Variants in CA11 observed in about 807,000 individuals in gnomAD.
The protein encoded by CA11 is carbonic anhydrase 11 (inactive).
CA11 carries 20 observed loss-of-function variants against 39.3 expected under a neutral mutation model. The ratio of observed to expected loss-of-function variants is 0.51; its 90% CI spans 0.36 to 0.74. CA11 has a LOEUF of 0.74. Among genes scored for constraint, CA11 ranks in the 30% least tolerant of loss-of-function variants. CA11 has a pLI of 0.00. For missense variants in CA11, 336 were observed against 424.6 expected, an observed-to-expected ratio of 0.79 and a Z score of 1.83; for synonymous variants, 166 against 172.5, an observed-to-expected ratio of 0.96 and a Z score of 0.29.
chr19:48,644,357 C>T, intron 3 of CA11, 70 bp downstream of exon 3: 3 of 1,422,058 alleles, frequency 2.1e-6, no homozygotes, highest in Non-Finnish European at 2.8e-6. Flanking sequence ...TACCTCAGCA[C>T]CCCATTCCCC....
Position 48,639,893 on chromosome 19 carries a change from G to C in CA11, c.472-10C>G. ...AGTGAATGAGCTGCACCTGGGGGTA[G>C]CACAGAGCATGGGGTCCCCCAGCAG... On this transcript the variant is annotated splice_polypyrimidine_tract_variant and intron_variant, in intron 4 of 8. Coordinates refer to ENST00000084798, the MANE Select transcript of CA11 (RefSeq NM_001217.5). The C allele has an allele frequency of 6.2e-7, 1 of 1,611,680 alleles. No individual in the cohort carries two copies. The highest frequency in any genetic ancestry group is 8.5e-7 in the Non-Finnish European group (1 of 1,177,900).
At chr19:48,639,974 T>C in intron 4 of CA11, 91 bp from the exon 5 acceptor site, 1 of 1,505,456 alleles carries the variant, frequency 6.6e-7, no homozygotes, top group Non-Finnish European at 9.2e-7. Flanking sequence ...TGAGGATTAG[T>C]GCTTAGGGTG....
At chr19:48,645,371 G>C in intron 2 of CA11, 32 bp downstream of exon 2, 12 of 1,551,150 alleles carry the variant, frequency 7.7e-6, no homozygotes, top group Non-Finnish European at 1.0e-5. Context: ...CGCCGGGAGG[G>C]CCGGACTCCT....
At chr19:48,645,367 G>A (rs1601193085) in intron 2 of CA11, 36 bp downstream of exon 2, 1 of 1,545,690 alleles carries the variant, frequency 6.5e-7, no homozygotes. Context: ...GAGGCGCCGG[G>A]AGGGCCGGAC....
chr19:48,641,756 T>C (rs1427129158), intron 3 of CA11, among the ~76,000 whole-genome samples: 1 of 151,826 alleles, frequency 6.6e-6, no homozygotes, highest in Non-Finnish European at 1.5e-5. Flanking sequence ...ACGATCCTCC[T>C]GCCTCAGCCT....
rs201079161 is a variant in CA11 at position 48,644,430 on chromosome 19, C to T, written c.282G>A (p.Glu94=). The change falls in exon 3 of 9, where the codon GAG becomes GAA. Residue 94 remains glutamate, a synonymous_variant. Transcript: ENST00000084798. The part of the protein sequence containing the change: ...LPPLRLSTGG[E]KLRGTLYNTG... The stretch of plus-strand genomic sequence containing the variant: ...CTCCTCCCTCCAAGCCCCTTACCTT[C>T]TCTCCTCCAGTGCTGAGCCTTAATG... The T allele has an allele frequency of 6.3e-7, 1 of 1,590,080 alleles. No individual in the cohort carries two copies. Among genetic ancestry groups the T allele is most frequent in the Non-Finnish European group, 8.6e-7 (1 of 1,165,464 alleles).
At chr19:48,644,591 G>T in intron 2 of CA11, 22 bp from the exon 3 acceptor site, 1 of 1,529,514 alleles carries the variant, frequency 6.5e-7, no homozygotes. Flanking sequence ...GTCGGAGTAG[G>T]AGGACAAGGA....
intron 2 of CA11, 37 bp downstream of exon 2, chr19:48,645,366 G>C (rs1294559323): frequency 1.3e-6 from 2 of 1,543,966 alleles, no homozygotes; most frequent in Admixed American, 3.9e-5. Context: ...GGAGGCGCCG[G>C]GAGGGCCGGA....
rs938347672 is a variant in CA11, at chr19:48,643,551, G to A, written c.285+876C>T. 3.3e-5 allele frequency among the ~76,000 whole-genome samples: 5 copies of A among 151,742 alleles called. No homozygotes were observed. Among genetic ancestry groups the A allele is most frequent in the African/African-American group, 1.2e-4 (5 of 41,370 alleles). On this transcript the variant is annotated intron_variant, in intron 3 of 8. Coordinates refer to ENST00000084798, the MANE Select transcript of CA11 (RefSeq NM_001217.5). The surrounding 1 kb of genome is among the most constrained non-coding windows in gnomAD (Gnocchi z 4.3). ...AGGCTGAGGTAGGAAGATCACTTGG[G>A]CCCAGGAATTTGAGGTTACAGTGAG...
At chr19:48,640,338 C>T in intron 3 of CA11, 58 bp from the exon 4 acceptor site, 1 of 1,302,128 alleles carries the variant, frequency 7.7e-7, no homozygotes, top group Non-Finnish European at 1.1e-6. Flanking sequence ...CTCTCGTTTC[C>T]CACGCCTACA....
chr19:48,639,843 A>C lies in CA11; in HGVS notation c.512T>G (p.Phe171Cys). ...IHFNQELYGN[F>C]SAASRGPNGL... is the part of the protein sequence containing the mutation. ...ATTGGGGCCGCGGGAGGCAGCGCTG[A>C]AATTCCCGTAGAGTTCCTGGTTGAA... The change falls in exon 5 of 9, where the codon TTC becomes TGC. Residue 171 changes from phenylalanine to cysteine, a missense_variant. Coordinates refer to ENST00000084798, the MANE Select transcript of CA11 (RefSeq NM_001217.5). The C allele has an allele frequency of 6.2e-7, 1 of 1,614,138 alleles. No homozygotes were observed. The highest frequency in any genetic ancestry group is 8.5e-7 in the Non-Finnish European group (1 of 1,180,014).
In CA11 at chr19:48,645,733, C is replaced by G. The variant is rs1008446040; in HGVS notation, c.-101G>C. 9.5e-6 allele frequency: 9 copies of G among 946,124 alleles called. No homozygotes were observed. The highest frequency in any genetic ancestry group is 1.3e-5 in the Non-Finnish European group (9 of 669,296). The allele number at this position is 946,124 out of a possible 1,614,324, so 58.6% of individuals were successfully genotyped here. A position where few individuals can be genotyped will look rare whatever the true frequency, so the allele number is the denominator to read the frequency against. ...GACCCTGTCCCTCCAGGACTTCCAGCTTTCCTCTCCTCCCCACAGGGAGTC... is the reference window on the plus strand; with the variant it reads ...GACCCTGTCCCTCCAGGACTTCCAGGTTTCCTCTCCTCCCCACAGGGAGTC... On this transcript the variant is annotated 5_prime_UTR_variant, in exon 1 of 9. Transcript: ENST00000084798.
chr19:48,644,631 G>C, intron 2 of CA11, 62 bp from the exon 3 acceptor site: 1 of 1,384,458 alleles, frequency 7.2e-7, no homozygotes, highest in Non-Finnish European at 9.6e-7. Flanking sequence ...TCCCAGGGCT[G>C]GTATCTGCTG....
Position 48,644,579 on chromosome 19 carries a change from G to A in CA11, c.143-10C>T. The stretch of plus-strand genomic sequence containing the variant: ...CCCCAGAAAGGAGGCCCTGGGGGTG[G>A]GGTCGGAGTAGGAGGACAAGGAGTC... On this transcript the variant is annotated splice_polypyrimidine_tract_variant and intron_variant, in intron 2 of 8. Transcript: ENST00000084798. The A allele has an allele frequency of 6.4e-7, 1 of 1,568,598 alleles. No individual in the cohort carries two copies. Among genetic ancestry groups the A allele is most frequent in the Non-Finnish European group, 8.7e-7 (1 of 1,155,182 alleles).
At chr19:48,644,340 G>C in intron 3 of CA11, 87 bp downstream of exon 3, 1 of 1,290,898 alleles carries the variant, frequency 7.7e-7, no homozygotes, top group Non-Finnish European at 1.1e-6. Context: ...CCCCAAGGCT[G>C]CTCTCCTACC....
chr19:48,638,787 C>T (rs929461216), intron 8 of CA11, 101 bp downstream of exon 8: 4 of 1,255,512 alleles, frequency 3.2e-6, no homozygotes, highest in African/African-American at 1.5e-5. Context: ...ACCATATAGA[C>T]GCAGGAAGGA....
chr19:48,640,733 G>A (rs967378805), intron 3 of CA11, among the ~76,000 whole-genome samples: 2 of 149,214 alleles, frequency 1.3e-5, no homozygotes, highest in Non-Finnish European at 3.0e-5. Flanking sequence ...GGAGTGCAGT[G>A]GCGAGAGCTC....
At chr19:48,645,080 AG>A in intron 2 of CA11, among the ~76,000 whole-genome samples, 1 of 152,196 alleles carries the variant, frequency 6.6e-6, no homozygotes, top group South Asian at 2.1e-4. Context: ...CTGCAAGAGA[AG>A]GCTGGACAAG....
chr19:48,638,229 C>T, intron 8 of CA11, 85 bp from the exon 9 acceptor site: 1 of 1,215,726 alleles, frequency 8.2e-7, no homozygotes, highest in Non-Finnish European at 1.0e-6. Flanking sequence ...CTGCGCCGCG[C>T]TGGGCCCTAC....
Sources: allele counts gnomAD v4.1 joint callset (sites outside exome capture counted in the v4.1 genomes callset), GRCh38; gene constraint gnomAD v4.1.1; non-coding constraint Gnocchi (gnomAD v3.1); transcripts MANE v1.5; gene names NCBI Gene and HGNC (gene_info 2026-07-23, HGNC 2026-07-21).